SANBR: variants seen among roughly 807,000 people sequenced by gnomAD.
The protein encoded by SANBR is SANT and BTB domain regulator of CSR, also known as SANT and BTB domain regulator of class switch recombination.
In SANBR, 77 loss-of-function variants were observed where a neutral mutation model predicts 101.8. The observed-to-expected ratio is 0.76, with a 90% CI of 0.63 to 0.91. The LOEUF (loss-of-function observed/expected upper bound fraction) is 0.91. Among genes scored for constraint, SANBR ranks in the 40% least tolerant of loss-of-function variants. The probability of loss-of-function intolerance (pLI) is 0.00; values close to 1 mark genes in which losing one functional copy is unlikely to be tolerated. For missense variants in SANBR, 875 were observed against 853.0 expected (o/e 1.03, Z -0.32); for synonymous variants, 279 against 274.7 (o/e 1.02, Z -0.15).
At chr2:61,134,286 C>A in intron 21 of SANBR, 2 of 1,544,678 alleles carry the variant, frequency 1.3e-6, no homozygotes, top group South Asian at 2.4e-5. Context: ...CGTAAGTGCT[C>A]AAAAATGTTA....
intron 10 of SANBR, 186 bp downstream of exon 10, chr2:61,088,654 G>A (rs1682584052): frequency 5.3e-6 from 2 of 380,042 alleles, no homozygotes; most frequent in Non-Finnish European, 9.1e-6. Context: ...CTGAGAAGCT[G>A]GGACTACAGG....
At chr2:61,120,066 GT>G (rs1487971458) in intron 20 of SANBR, among the ~76,000 whole-genome samples, 1 of 152,198 alleles carries the variant, frequency 6.6e-6, no homozygotes, top group African/African-American at 2.4e-5. Context: ...TTGGAAAATA[GT>G]TTGGCAATTT....
intron 8 of SANBR, among the ~76,000 whole-genome samples, chr2:61,087,099 C>A (rs1004933739): frequency 6.6e-6 from 1 of 152,038 alleles, no homozygotes; most frequent in Non-Finnish European, 1.5e-5. Flanking sequence ...ATCACTTAAC[C>A]CTCATAAAAC....
chr2:61,128,783 C>G (rs576657182), downstream of SANBR, among the ~76,000 whole-genome samples: 1 of 152,030 alleles, frequency 6.6e-6, no homozygotes, highest in African/African-American at 2.4e-5. Flanking sequence ...CGTGAGCCAC[C>G]GTGCCTGGCC....
chr2:61,075,589 G>A (rs1488263789), intron 5 of SANBR, among the ~76,000 whole-genome samples: 1 of 152,138 alleles, frequency 6.6e-6, no homozygotes, highest in Non-Finnish European at 1.5e-5. Context: ...TAAATTCAAG[G>A]AGATTATAAT....
intron 17 of SANBR, 38 bp downstream of exon 17, chr2:61,116,108 A>C: frequency 7.3e-7 from 1 of 1,367,102 alleles, no homozygotes. Flanking sequence ...TTCATATGGA[A>C]AAATAAGCAT....
chr2:61,105,948 G>GCT lies in SANBR; in HGVS notation c.1512-614_1512-613insTC, dbSNP rs1321229506. 2.6e-5 allele frequency among the ~76,000 whole-genome samples: 4 copies of GCT among 152,128 alleles called. No homozygotes were observed. In the East Asian group the frequency reaches 7.7e-4, roughly 29 times the overall value. On this transcript the variant is annotated intron_variant, in intron 13 of 21. Coordinates refer to ENST00000402291, the MANE Select transcript of SANBR (RefSeq NM_001129993.3). ...GCCTCGCAAAGTGCTGGGATTAGAG[G>GCT]CGTGACCCACTGTGCCCAGCCAAGG...
chr2:61,131,662 T>C (rs991561564), intron 20 of SANBR, among the ~76,000 whole-genome samples: 4 of 152,228 alleles, frequency 2.6e-5, no homozygotes, highest in Admixed American at 6.5e-5. Flanking sequence ...TGTGAGAGAC[T>C]CTCTTCCTTG....
At chr2:61,115,939 T>C in intron 16 of SANBR, 40 bp from the exon 17 acceptor site, 1 of 1,279,500 alleles carries the variant, frequency 7.8e-7, no homozygotes, top group Non-Finnish European at 1.1e-6. Flanking sequence ...TGGAAAAGTA[T>C]ATGGGGCCTA....
chr2:61,092,539 G>C lies in SANBR; in HGVS notation c.1164G>C (p.Trp388Cys), dbSNP rs946921984. Residue 388 changes from tryptophan (W) to cysteine (C), a missense_variant, in exon 11 of 22, where the codon TGG (tryptophan) becomes TGC (cysteine). Transcript: ENST00000402291. ...TAAAATCTTGGAGAGATGTATACTG[G>C]CGATTGTGGGGAACAATCAATTGGC... ...EELKSWRDVY[W>C]RLWGTINWLT... 1.2e-6 allele frequency: 2 copies of C among 1,605,786 alleles called. No homozygotes were observed. The highest frequency in any genetic ancestry group is 2.7e-5 in the African/African-American group (2 of 74,576).
Position 61,109,301 on chromosome 2 carries a change from TG to T in SANBR, c.1744+7del. On this transcript the variant is annotated splice_donor_region_variant and intron_variant, in intron 16 of 21. Transcript: ENST00000402291. ...AAGAAGTATCCAAGAAACAAAGTAT[TG>T]GTTTATAAGTTAAAATCAAATCTCC... 6.7e-7 allele frequency: 1 copy of T among 1,503,108 alleles called. No homozygotes were observed. The highest frequency in any genetic ancestry group is 1.3e-5 in the South Asian group (1 of 78,150). The allele number at this position is 1,503,108 out of a possible 1,614,324, so 93.1% of individuals were successfully genotyped here.
chr2:61,115,905 A>G (rs1684057870), intron 16 of SANBR, 74 bp from the exon 17 acceptor site: 8 of 851,124 alleles, frequency 9.4e-6, no homozygotes, highest in Non-Finnish European at 1.3e-5. Context: ...TAATGGTCTT[A>G]TTGTTTAGAA....
intron 21 of SANBR, among the ~76,000 whole-genome samples, 185 bp from the exon 22 acceptor site, chr2:61,121,941 C>CT (rs1684346505): frequency 6.6e-6 from 1 of 152,146 alleles, no homozygotes; most frequent in Admixed American, 6.6e-5. Context: ...CGTATTATCT[C>CT]TGAGAAGTAA....
At chr2:61,131,320 A>T (rs950062219) in intron 20 of SANBR, among the ~76,000 whole-genome samples, 16 of 152,226 alleles carry the variant, frequency 1.1e-4, no homozygotes, top group Admixed American at 9.2e-4. Flanking sequence ...ACTAAAAAAA[A>T]TTAGGACAGA....
chr2:61,074,510 G>C (rs1045749292), intron 5 of SANBR, among the ~76,000 whole-genome samples: 3 of 152,132 alleles, frequency 2.0e-5, no homozygotes, highest in African/African-American at 7.2e-5. Context: ...CTAGGCTCAG[G>C]CAATTCTCAT....
At chr2:61,108,807 C>A (rs528212570) in intron 15 of SANBR, among the ~76,000 whole-genome samples, 2 of 152,134 alleles carry the variant, frequency 1.3e-5, no homozygotes, top group East Asian at 3.9e-4. Flanking sequence ...GTTAAATAAT[C>A]CAGGACCACA....
In SANBR at chr2:61,092,652, G is replaced by A. The variant is rs1573621540; in HGVS notation, c.1212+65G>A. 18 of 1,250,290 alleles carry A rather than the reference G, an allele frequency of 1.4e-5. No individual in the cohort carries two copies. In the East Asian group the frequency reaches 4.5e-4, roughly 31 times the overall value. 77.4% of individuals were successfully genotyped at this position (1,250,290 alleles called of 1,614,324 possible). A position where few individuals can be genotyped will look rare whatever the true frequency, so the allele number is the denominator to read the frequency against. ...TGAGAGCAAGATTATTTTGATATCT[G>A]CTGTTTAATTGATATGTTTAAATGT... On this transcript the variant is annotated intron_variant, in intron 11 of 21. Coordinates refer to ENST00000402291, the MANE Select transcript of SANBR (RefSeq NM_001129993.3).
intron 6 of SANBR, among the ~76,000 whole-genome samples, chr2:61,080,365 T>C (rs1682045003): frequency 6.6e-6 from 1 of 152,192 alleles, no homozygotes; most frequent in Non-Finnish European, 1.5e-5. Flanking sequence ...CTAACTGGAA[T>C]GGGGTACATT....
chr2:61,134,028 C>T (rs1684768514), intron 20 of SANBR: 1 of 1,508,408 alleles, frequency 6.6e-7, no homozygotes, highest in Non-Finnish European at 9.0e-7. Context: ...CCCACAATCT[C>T]ACCAATTTAT....
Sources: gnomAD v4.1 joint callset for allele counts (sites outside exome capture counted in the v4.1 genomes callset) on GRCh38, gnomAD v4.1.1 for gene constraint, MANE v1.5 for transcripts, NCBI Gene and HGNC (gene_info 2026-07-23, HGNC 2026-07-21) for gene names.